Variants in TIAL1 observed in about 807,000 individuals in gnomAD.
TIAL1 encodes the protein TIA1 cytotoxic granule associated RNA binding protein like 1, also known as nucleolysin TIAR.
In TIAL1, 7 loss-of-function variants were observed where a neutral mutation model predicts 59.7. The ratio of observed to expected loss-of-function variants is 0.12; its 90% CI spans 0.07 to 0.22. The LOEUF is 0.22. TIAL1 is among the 10% of genes least tolerant of loss of function. TIAL1 has a pLI of 1.00. For missense variants in TIAL1, 225 were observed against 462.5 expected, an observed-to-expected ratio of 0.49 and a Z score of 4.71; for synonymous variants, 149 against 146.3, an observed-to-expected ratio of 1.02 and a Z score of -0.13.
At chr10:119,593,227 G>A (rs1845981369) in intron 1 of TIAL1, among the ~76,000 whole-genome samples, 1 of 152,192 alleles carries the variant, frequency 6.6e-6, no homozygotes, top group Non-Finnish European at 1.5e-5. Context: ...TCCAACACCA[G>A]TATTACACAG....
At position 119,581,685 on chromosome 10, in the gene TIAL1, A is replaced by T. The variant is rs1036205016; in HGVS notation, c.371+237T>A. ...AAAGATAACAAACAGAATCACTTAA[A>T]TTTTTTTTAACATATTATACACAGG... On this transcript the variant is annotated intron_variant, in intron 5 of 11. Coordinates refer to ENST00000436547, the MANE Select transcript of TIAL1 (RefSeq NM_003252.4). 2.9e-5 allele frequency: 10 copies of T among 343,310 alleles called. No individual in the cohort carries two copies. In the South Asian group the frequency reaches 7.1e-4, roughly 24 times the overall value. 21.3% of individuals were successfully genotyped at this position (343,310 alleles called of 1,614,324 possible). A position where few individuals can be genotyped will look rare whatever the true frequency, so the allele number is the denominator to read the frequency against.
At position 119,574,501 on chromosome 10, in the gene TIAL1, A is replaced by C. The variant is rs1302278938; in HGVS notation, c.*1164T>G. ...AAAAACACCCCAAGATTTTTAAAAA[A>C]CACTTGTACTATACAACTTATAGTA... On this transcript the variant is annotated 3_prime_UTR_variant, in exon 12 of 12. Transcript: ENST00000436547. 1.3e-5 allele frequency: 2 copies of C among 151,790 alleles called. No homozygotes were observed. Among genetic ancestry groups the C allele is most frequent in the African/African-American group, 4.8e-5 (2 of 41,240 alleles). The allele number at this position is 151,790 out of a possible 1,614,324, so 9.4% of individuals were successfully genotyped here.
chr10:119,580,221 A>G (rs1476270676), intron 5 of TIAL1: 17 of 470,936 alleles, frequency 3.6e-5, no homozygotes, highest in Non-Finnish European at 5.5e-5. Flanking sequence ...CATGCAACCT[A>G]ATCAAATAGC....
At chr10:119,580,416 T>C in intron 5 of TIAL1, 1 of 745,484 alleles carries the variant, frequency 1.3e-6, no homozygotes, top group African/African-American at 1.9e-5. Context: ...ATACAAAATA[T>C]ATGAAATATT....
rs558146581 is a variant in TIAL1, at chr10:119,594,560, C to T, written c.32+1874G>A. On this transcript the variant is annotated intron_variant, in intron 1 of 11. Coordinates refer to ENST00000436547, the MANE Select transcript of TIAL1 (RefSeq NM_003252.4). The stretch of plus-strand genomic sequence containing the variant: ...TCTTTAAGCCTAGCTTTCCCAGATG[C>T]TTATATCAAAGTACACATTGTAACT... Among the ~76,000 whole-genome samples the T allele has an allele frequency of 3.9e-5, 6 of 152,272 alleles. No individual in the cohort carries two copies. In the South Asian group the frequency reaches 1.2e-3, roughly 32 times the overall value.
chr10:119,577,736 T>G lies in TIAL1; in HGVS notation c.557A>C (p.Asn186Thr). Residue 186 changes from asparagine (N) to threonine (T), a missense_variant and splice_region_variant, in exon 8 of 12, where the codon AAC (asparagine) becomes ACC (threonine). This residue lies in a region of TIAL1 where 80 missense variants were observed against 158.8 expected (regional missense o/e 0.50). Coordinates refer to ENST00000436547, the MANE Select transcript of TIAL1 (RefSeq NM_003252.4). Reference protein sequence around the residue: ...KPPAPKSTQENNTKQLRFEDV... With the variant: ...KPPAPKSTQETNTKQLRFEDV... Reference sequence around the variant, plus strand: ...TTCAAATCTCAACTGCTTAGTGTTGTCTGTATGCAGAAACAAAACAAAAAC... The same window carrying G: ...TTCAAATCTCAACTGCTTAGTGTTGGCTGTATGCAGAAACAAAACAAAAAC... The G allele has an allele frequency of 3.1e-6, 5 of 1,612,606 alleles. No homozygotes were observed. Among genetic ancestry groups the G allele is most frequent in the Non-Finnish European group, 4.2e-6 (5 of 1,178,652 alleles).
chr10:119,588,071 G>T, intron 2 of TIAL1, 81 bp downstream of exon 2: 1 of 789,644 alleles, frequency 1.3e-6, no homozygotes, highest in East Asian at 3.0e-5. Context: ...AGAATAACTT[G>T]AGGCTTACAA....
chr10:119,593,491 C>T, intron 1 of TIAL1: 1 of 985,676 alleles, frequency 1.0e-6, no homozygotes. Flanking sequence ...AAGATAGAAC[C>T]ATATGTCTTA....
Position 119,582,739 on chromosome 10 carries a change from ACTG to A in TIAL1, c.130-185_130-183del. 1.2e-6 allele frequency: 1 copy of A among 803,408 alleles called. No individual in the cohort carries two copies. Among genetic ancestry groups the A allele is most frequent in the Non-Finnish European group, 1.8e-6 (1 of 559,858 alleles). The allele number at this position is 803,408 out of a possible 1,614,324, so 49.8% of individuals were successfully genotyped here. On this transcript the variant is annotated intron_variant, in intron 2 of 11. Transcript: ENST00000436547. The surrounding 1 kb of genome is among the most constrained non-coding windows in gnomAD (Gnocchi z 5.1). The stretch of plus-strand genomic sequence containing the variant: ...TAAACCTGACTTTGCACCTCAGAAT[ACTG>A]CTGAACTCAAACGGAACTATAAAAG...
chr10:119,592,848 G>A (rs916606732), intron 1 of TIAL1, among the ~76,000 whole-genome samples: 3 of 152,080 alleles, frequency 2.0e-5, no homozygotes, highest in Non-Finnish European at 2.9e-5. Flanking sequence ...ATTTGAATGA[G>A]GGGCTTGATT....
At position 119,582,308 on chromosome 10, in the gene TIAL1, AGGG is replaced by A; in HGVS notation, c.229-88_229-86del. The A allele has an allele frequency of 3.4e-6, 5 of 1,470,940 alleles. No individual in the cohort carries two copies. Among genetic ancestry groups the A allele is most frequent in the Non-Finnish European group, 4.6e-6 (5 of 1,088,546 alleles). The allele number at this position is 1,470,940 out of a possible 1,614,324, so 91.1% of individuals were successfully genotyped here. On this transcript the variant is annotated intron_variant, in intron 3 of 11. Coordinates refer to ENST00000436547, the MANE Select transcript of TIAL1 (RefSeq NM_003252.4). This position sits in a 1 kb window ranked among gnomAD's most constrained non-coding sequence, Gnocchi z 5.1. ...CCACTTATTAAATCATTTATCAAGC[AGGG>A]TTATTTTTGTAAAAGCACTAAGCTG...
Position 119,573,871 on chromosome 10 carries a change from G to A in TIAL1, c.*1794C>T, listed in dbSNP as rs1844821203. 6.6e-6 allele frequency: 1 copy of A among 152,158 alleles called. No individual in the cohort carries two copies. Among genetic ancestry groups the A allele is most frequent in the Non-Finnish European group, 1.5e-5 (1 of 68,022 alleles). 9.4% of individuals were successfully genotyped at this position (152,158 alleles called of 1,614,324 possible). ...CCCAGCTATGAATTTCAGACCCTAT[G>A]AATTTTTATGTTGAATACATTTGGC... On this transcript the variant is annotated 3_prime_UTR_variant, in exon 12 of 12. Coordinates refer to ENST00000436547, the MANE Select transcript of TIAL1 (RefSeq NM_003252.4).
intron 5 of TIAL1, among the ~76,000 whole-genome samples, chr10:119,581,408 T>A (rs1044600115): frequency 2.6e-5 from 4 of 152,026 alleles, no homozygotes; most frequent in African/African-American, 9.7e-5. Context: ...AATAGTACTT[T>A]TCACTTATAG....
At chr10:119,577,869 C>T (rs1188483670) in intron 7 of TIAL1, 133 bp from the exon 8 acceptor site, 1 of 686,602 alleles carries the variant, frequency 1.5e-6, no homozygotes, top group Non-Finnish European at 2.5e-6. Flanking sequence ...GTGGGCAGAT[C>T]ACCTGAGGTC....
intron 1 of TIAL1, among the ~76,000 whole-genome samples, chr10:119,596,208 A>C (rs1195392444): frequency 1.3e-5 from 2 of 152,180 alleles, no homozygotes; most frequent in African/African-American, 2.4e-5. Flanking sequence ...CCAGAGAAAA[A>C]GGTCGAGACA....
intron 1 of TIAL1, among the ~76,000 whole-genome samples, chr10:119,590,754 GAGAAAGAGAGAA>G (rs1228739931): frequency 1.2e-5 from 1 of 84,184 alleles, no homozygotes; most frequent in Admixed American, 1.2e-4. Context: ...GAGAGACAGA[GAGAAAGAGAGAA>G]AGAAAGAAAG....
In TIAL1 at chr10:119,574,859, T is replaced by C. The variant is rs1261747338; in HGVS notation, c.*806A>G. 3 of 152,648 alleles carry C rather than the reference T, an allele frequency of 2.0e-5. No individual in the cohort carries two copies. Among genetic ancestry groups the C allele is most frequent in the Admixed American group, 2.0e-4 (3 of 15,278 alleles). The allele number at this position is 152,648 out of a possible 1,614,324, so 9.5% of individuals were successfully genotyped here. Reference sequence around the variant, plus strand: ...GTTGAAGCATGCTTTTTAAACACTGTAGTTATTGAATATTTACAATATGTA... The same window carrying C: ...GTTGAAGCATGCTTTTTAAACACTGCAGTTATTGAATATTTACAATATGTA... On this transcript the variant is annotated 3_prime_UTR_variant, in exon 12 of 12. Coordinates refer to ENST00000436547, the MANE Select transcript of TIAL1 (RefSeq NM_003252.4).
At chr10:119,576,147 T>C (rs991117685) in intron 11 of TIAL1, among the ~76,000 whole-genome samples, 2 of 140,756 alleles carry the variant, frequency 1.4e-5, no homozygotes, top group East Asian at 2.1e-4. Context: ...AATAAAGCTA[T>C]GGGCTGGCCC....
At chr10:119,580,043 T>A in intron 5 of TIAL1, 33 bp from the exon 6 acceptor site, 5 of 1,539,812 alleles carry the variant, frequency 3.2e-6, no homozygotes, top group Non-Finnish European at 4.4e-6. Context: ...ATGAGGGAAG[T>A]AAGAGCCACC....
Sources: gnomAD v4.1 joint callset for allele counts (sites outside exome capture counted in the v4.1 genomes callset) on GRCh38, gnomAD v4.1.1 for gene constraint, gnomAD v4.1.1 regional missense constraint, Gnocchi (gnomAD v3.1) non-coding constraint, MANE v1.5 for transcripts, NCBI Gene and HGNC (gene_info 2026-07-23, HGNC 2026-07-21) for gene names.